The following TLE1 variants were observed in gnomAD, a reference collection of about 807,000 sequenced individuals.
TLE1 encodes TLE family member 1, transcriptional corepressor.
Under a neutral mutation model 89.8 loss-of-function variants are expected in TLE1, and 21 were observed. The observed-to-expected ratio is 0.23, with a 90% confidence interval of 0.17 to 0.34. The LOEUF is 0.34. Among genes scored for constraint, TLE1 ranks in the 10% least tolerant of loss-of-function variants. The pLI, the probability that TLE1 is intolerant of heterozygous loss-of-function variation, is 1.00. For missense variants in TLE1, 795 were observed against 1,031.2 expected (o/e 0.77, Z 3.14); for synonymous variants, 447 against 407.6 (o/e 1.10, Z -1.16).
intron 8 of TLE1, among the ~76,000 whole-genome samples, chr9:81,622,871 C>A (rs1825450199): frequency 6.6e-6 from 1 of 152,152 alleles, no homozygotes; most frequent in South Asian, 2.1e-4. Flanking sequence ...CACACTCAGA[C>A]CCAGGGATCC....
intron 8 of TLE1, among the ~76,000 whole-genome samples, chr9:81,632,740 T>C (rs1301280278): frequency 6.6e-6 from 1 of 151,412 alleles, no homozygotes; most frequent in African/African-American, 2.4e-5. Context: ...CCCTGTCCAC[T>C]GAATTTCCTT....
At chr9:81,659,032 G>A (rs941176280) in intron 4 of TLE1, among the ~76,000 whole-genome samples, 9 of 151,618 alleles carry the variant, frequency 5.9e-5, no homozygotes, top group Non-Finnish European at 1.3e-4. Context: ...CCTCAGCCTC[G>A]CGAGTAGCTG....
intron 18 of TLE1, 129 bp downstream of exon 18, chr9:81,585,376 C>A: frequency 8.2e-7 from 1 of 1,216,352 alleles, no homozygotes; most frequent in Non-Finnish European, 1.1e-6. Context: ...CATATTAAAA[C>A]AATAGAATTA....
At chr9:81,631,281 C>G (rs1459795555) in intron 8 of TLE1, among the ~76,000 whole-genome samples, 1 of 152,180 alleles carries the variant, frequency 6.6e-6, no homozygotes. Context: ...ATATATTTTT[C>G]TGTCAAAAAT....
At chr9:81,590,706 C>T in intron 16 of TLE1, 99 bp downstream of exon 16, 3 of 1,539,354 alleles carry the variant, frequency 1.9e-6, no homozygotes, top group East Asian at 2.3e-5. Flanking sequence ...ATTCAAGAGG[C>T]TCTTATTGTG....
At chr9:81,634,388 A>G (rs1188742207) in intron 6 of TLE1, 87 bp from the exon 7 acceptor site, 5 of 1,140,820 alleles carry the variant, frequency 4.4e-6, no homozygotes, top group Non-Finnish European at 6.0e-6. Flanking sequence ...CATCCAGGGG[A>G]AAACAGACAT....
intron 14 of TLE1, among the ~76,000 whole-genome samples, chr9:81,607,149 G>A (rs1199474900): frequency 6.6e-6 from 1 of 151,942 alleles, no homozygotes; most frequent in Non-Finnish European, 1.5e-5. Context: ...TTTTGACCAA[G>A]ATGAGAAAAG....
chr9:81,688,325 A>G lies in TLE1; in HGVS notation c.-85T>C, dbSNP rs1486966658. 8 of 1,392,160 alleles carry G rather than the reference A, an allele frequency of 5.7e-6. No individual in the cohort carries two copies. The African/African-American group carries it at 1.2e-4, about 21-fold the overall frequency. 86.2% of individuals were successfully genotyped at this position (1,392,160 alleles called of 1,614,324 possible). ...ACTTTAATCCCGCCGAGGAAAATTA[A>G]GCCGGAAAGCCAAGCAGAAGCGGGG... On this transcript the variant is annotated 5_prime_UTR_variant, in exon 1 of 20. Transcript: ENST00000376499.
At chr9:81,638,290 A>C (rs1827663557) in intron 6 of TLE1, among the ~76,000 whole-genome samples, 1 of 152,198 alleles carries the variant, frequency 6.6e-6, no homozygotes. Flanking sequence ...AAGAAGAATC[A>C]AGCCTAACAG....
chr9:81,585,397 C>G, intron 18 of TLE1, 108 bp downstream of exon 18: 1 of 1,366,886 alleles, frequency 7.3e-7, no homozygotes, highest in Non-Finnish European at 1.0e-6. Flanking sequence ...TTGCATCCAG[C>G]TGCTCGGAGA....
chr9:81,606,518 A>T (rs1376023346), intron 14 of TLE1, among the ~76,000 whole-genome samples: 1 of 152,182 alleles, frequency 6.6e-6, no homozygotes, highest in Non-Finnish European at 1.5e-5. Flanking sequence ...AACTATCACA[A>T]GCACAAGGAC....
intron 4 of TLE1, among the ~76,000 whole-genome samples, chr9:81,660,626 C>T (rs1035464782): frequency 2.0e-5 from 3 of 150,794 alleles, no homozygotes; most frequent in African/African-American, 7.3e-5. Flanking sequence ...CTGTGTTAGC[C>T]AGGATGGTCT....
chr9:81,675,311 G>A (rs1272824511), intron 4 of TLE1, among the ~76,000 whole-genome samples: 1 of 148,272 alleles, frequency 6.7e-6, no homozygotes. Flanking sequence ...GAGAATGGAA[G>A]ACACTATGTA....
intron 4 of TLE1, among the ~76,000 whole-genome samples, chr9:81,669,245 C>G (rs573716148): frequency 1.3e-5 from 2 of 152,294 alleles, no homozygotes; most frequent in South Asian, 4.1e-4. Flanking sequence ...AGAGGAAAAT[C>G]GAAGGCTGTG....
intron 14 of TLE1, among the ~76,000 whole-genome samples, chr9:81,595,816 A>C (rs1246341654): frequency 2.2e-3 from 49 of 22,280 alleles, no homozygotes; most frequent in South Asian, 3.1e-3. Flanking sequence ...CTCTGTCTCA[A>C]AAAAAAAAAA....
rs147657152 is a variant in TLE1, at chr9:81,599,018, C to T, written c.1332-5744G>A. 2.5e-3 allele frequency among the ~76,000 whole-genome samples: 383 copies of T among 152,306 alleles called. 1 individual carries two copies. The highest frequency in any genetic ancestry group is 8.4e-3 in the African/African-American group (350 of 41,544). ...AGTAACATGTGGGCACCAAGCCTAACTAACTTGAGCCTCATTTCCCCATTT... is the reference window on the plus strand; with the variant it reads ...AGTAACATGTGGGCACCAAGCCTAATTAACTTGAGCCTCATTTCCCCATTT... On this transcript the variant is annotated intron_variant, in intron 14 of 19. Transcript: ENST00000376499.
At chr9:81,629,464 A>G in intron 8 of TLE1, among the ~76,000 whole-genome samples, 1 of 152,226 alleles carries the variant, frequency 6.6e-6, no homozygotes, top group East Asian at 1.9e-4. Flanking sequence ...TTTTTAAACC[A>G]AAGCCAAACC....
intron 8 of TLE1, among the ~76,000 whole-genome samples, chr9:81,628,565 T>C (rs1254533879): frequency 1.3e-5 from 2 of 152,186 alleles, no homozygotes; most frequent in Non-Finnish European, 2.9e-5. Context: ...TAGGATTTGG[T>C]CCTGCCTCTG....
chr9:81,658,753 C>T (rs1162803964), intron 4 of TLE1, among the ~76,000 whole-genome samples: 1 of 152,128 alleles, frequency 6.6e-6, no homozygotes, highest in Admixed American at 6.5e-5. Context: ...TGAACATCTT[C>T]CCTTCAAATA....
Sources: gnomAD v4.1 joint callset for allele counts (sites outside exome capture counted in the v4.1 genomes callset) on GRCh38, gnomAD v4.1.1 for gene constraint, MANE v1.5 for transcripts, NCBI Gene and HGNC (gene_info 2026-07-23, HGNC 2026-07-21) for gene names.